Variants in SLC12A7 observed in about 807,000 individuals in gnomAD.
The protein encoded by SLC12A7 is K-Cl cotransporter 4.
In SLC12A7, 100 loss-of-function variants were observed where a neutral mutation model predicts 120.6. The observed-to-expected ratio is 0.83, with a 90% CI of 0.71 to 0.98. The LOEUF (loss-of-function observed/expected upper bound fraction) is 0.98, where lower values mean the gene tolerates loss of function less well. Ranked by LOEUF, SLC12A7 falls within the 50% of genes least tolerant of loss-of-function variation. The probability of loss-of-function intolerance (pLI) is 0.00; values close to 1 mark genes in which losing one functional copy is unlikely to be tolerated. For missense variants in SLC12A7, 1,373 were observed against 1,548.1 expected, an observed-to-expected ratio of 0.89 and a Z score of 1.90; for synonymous variants, 760 against 678.0, an observed-to-expected ratio of 1.12 and a Z score of -1.88.
chr5:1,155,353 C>G, the SLC12A7 span, among the ~76,000 whole-genome samples: 2 of 152,206 alleles, frequency 1.3e-5, no homozygotes, highest in African/African-American at 4.8e-5. Flanking sequence ...CCGCCCTCCC[C>G]GCGAAGTGAC....
chr5:1,092,678 C>T (rs766014662), intron 3 of SLC12A7, among the ~76,000 whole-genome samples: 16 of 152,240 alleles, frequency 1.1e-4, no homozygotes, highest in East Asian at 5.8e-4. Context: ...GGGAGGCCGT[C>T]GCCCGGCTTC....
the SLC12A7 span, among the ~76,000 whole-genome samples, chr5:1,132,388 C>A: frequency 6.6e-6 from 1 of 152,058 alleles, no homozygotes; most frequent in African/African-American, 2.4e-5. Flanking sequence ...TGTCCTTGGT[C>A]GGGGAGCCAT....
chr5:1,114,467 G>A (rs1291870439), upstream of SLC12A7, among the ~76,000 whole-genome samples: 1 of 152,132 alleles, frequency 6.6e-6, no homozygotes, highest in Non-Finnish European at 1.5e-5. Flanking sequence ...CTAGGGGTCT[G>A]GTGGCCCCTC....
chr5:1,062,764 C>T (rs1458005878), intron 20 of SLC12A7: 2 of 153,718 alleles, frequency 1.3e-5, no homozygotes, highest in Admixed American at 1.3e-4. Flanking sequence ...GCTGCAGGGG[C>T]ACAGGTGGCT....
the SLC12A7 span, among the ~76,000 whole-genome samples, chr5:1,142,165 G>T: frequency 5.3e-5 from 8 of 151,850 alleles, no homozygotes; most frequent in African/African-American, 1.9e-4. Flanking sequence ...CCCCAGACAG[G>T]GCCCCTCCAT....
At chr5:1,073,921 C>A (rs995808765) in intron 16 of SLC12A7, 120 bp from the exon 17 acceptor site, 227 of 978,588 alleles carry the variant, frequency 2.3e-4, no homozygotes, top group Non-Finnish European at 2.8e-4. Flanking sequence ...AGATACATGA[C>A]AGGCGGGACA....
upstream of SLC12A7, among the ~76,000 whole-genome samples, chr5:1,112,344 CT>C (rs1309621037): frequency 3.5e-4 from 17 of 49,216 alleles, no homozygotes; most frequent in East Asian, 1.3e-3. Flanking sequence ...CCTCCCCGCC[CT>C]CCCCGGCCCC....
chr5:1,079,505 A>G lies in SLC12A7; in HGVS notation c.1298-9T>C, dbSNP rs778033925. On this transcript the variant is annotated splice_polypyrimidine_tract_variant and intron_variant, in intron 9 of 23. Transcript: ENST00000264930. ...TGAACCCGCCATGATACCTGTGAAC[A>G]TGGAAAATGCTGCAAAGACCCATCT... The G allele has an allele frequency of 6.8e-6, 11 of 1,609,624 alleles. No individual in the cohort carries two copies. Among genetic ancestry groups the G allele is most frequent in the Middle Eastern group, 1.7e-4 (1 of 6,048 alleles).
chr5:1,086,545 G>A (rs1460956055), intron 6 of SLC12A7, among the ~76,000 whole-genome samples: 1 of 152,220 alleles, frequency 6.6e-6, no homozygotes, highest in African/African-American at 2.4e-5. Context: ...GAAGAGGCTG[G>A]GATCCTGGCA....
At chr5:1,110,036 C>CAGGCTCCGTGCCCATCACG (rs1436844433) in intron 1 of SLC12A7, among the ~76,000 whole-genome samples, 5 of 152,230 alleles carry the variant, frequency 3.3e-5, no homozygotes, top group African/African-American at 1.2e-4. Context: ...CCTCCTTCCC[C>CAGGCTCCGTGCCCATCACG]AGGCTCCGTG....
chr5:1,052,070 G>A lies in SLC12A7; in HGVS notation c.*290C>T, dbSNP rs917776274. ...CAAGGCAAGGGCTCACTGGCTTCTT[G>A]TGACCTGCGAGAAGATCTGGCCACG... On this transcript the variant is annotated 3_prime_UTR_variant, in exon 24 of 24. Transcript: ENST00000264930. The A allele has an allele frequency of 6.5e-6, 3 of 460,902 alleles. No homozygotes were observed. Among genetic ancestry groups the A allele is most frequent in the African/African-American group, 6.0e-5 (3 of 50,334 alleles). The allele number at this position is 460,902 out of a possible 1,614,324, so 28.6% of individuals were successfully genotyped here. A position where few individuals can be genotyped will look rare whatever the true frequency, so the allele number is the denominator to read the frequency against.
At chr5:1,053,727 C>G (rs544504131) in intron 22 of SLC12A7, among the ~76,000 whole-genome samples, 1 of 152,230 alleles carries the variant, frequency 6.6e-6, no homozygotes, top group Non-Finnish European at 1.5e-5. Flanking sequence ...AGAACTCAGC[C>G]CACTAAGGCT....
At position 1,079,336 on chromosome 5, in the gene SLC12A7, G is replaced by A. The variant is rs991812372; in HGVS notation, c.1396+62C>T. On this transcript the variant is annotated intron_variant, in intron 10 of 23. Coordinates refer to ENST00000264930, the MANE Select transcript of SLC12A7 (RefSeq NM_006598.3). ...CGAGGGTATGATGCTGAGCCGGGGA[G>A]GGCATGGGGGCCTCCCCCCAGGCAG... 3.8e-6 allele frequency: 5 copies of A among 1,301,820 alleles called. No homozygotes were observed. In the African/African-American group the frequency reaches 4.4e-5, roughly 11 times the overall value. 80.6% of individuals were successfully genotyped at this position (1,301,820 alleles called of 1,614,324 possible).
At chr5:1,127,589 A>T in the SLC12A7 span, among the ~76,000 whole-genome samples, 3 of 152,258 alleles carry the variant, frequency 2.0e-5, no homozygotes, top group African/African-American at 7.2e-5. Context: ...GAGGAAACTG[A>T]TGGATATACA....
At chr5:1,056,683 C>T (rs769540318) in intron 22 of SLC12A7, 49 of 663,720 alleles carry the variant, frequency 7.4e-5, no homozygotes, top group Non-Finnish European at 9.0e-5. Context: ...CCCAGGAGGA[C>T]GCCGCCTCAT....
the SLC12A7 span, among the ~76,000 whole-genome samples, chr5:1,137,932 G>A: frequency 2.0e-4 from 31 of 152,214 alleles, no homozygotes; most frequent in African/African-American, 7.2e-4. Flanking sequence ...GTGAGCTGTG[G>A]CAGAAGGAGC....
In SLC12A7 at chr5:1,097,533, C is replaced by T. The variant is rs148667662; in HGVS notation, c.125-3285G>A. Among the ~76,000 whole-genome samples, 390 of 152,352 alleles carry T rather than the reference C, an allele frequency of 2.6e-3. 2 individuals are homozygous for T. The highest frequency in any genetic ancestry group is 8.9e-3 in the African/African-American group (371 of 41,572). On this transcript the variant is annotated intron_variant, in intron 1 of 23. Transcript: ENST00000264930. ...CATAACGATGTAACCACCACAGGGTCACACCCGAGATCCCTGCGTCTGACT... is the reference window on the plus strand; with the variant it reads ...CATAACGATGTAACCACCACAGGGTTACACCCGAGATCCCTGCGTCTGACT...
chr5:1,083,880 T>A lies in SLC12A7; in HGVS notation c.994A>T (p.Asn332Tyr). ...CCCCAGAGCGCGGAGGTGGCTGAGT[T>A]GTTGTGGATGCCGTAGGCCTTGACG... is the stretch of plus-strand genomic sequence containing the variant. ...ACVKAYGIHN[N>Y]SATSALWGLF... is the part of the protein sequence containing the mutation. The change falls in exon 8 of 24, where the codon AAC becomes TAC. Residue 332 changes from asparagine to tyrosine, a missense_variant. By Grantham distance (143) the Asn-to-Tyr change is moderately radical (BLOSUM62 -2). Coordinates refer to ENST00000264930, the MANE Select transcript of SLC12A7 (RefSeq NM_006598.3). 1.2e-6 allele frequency: 2 copies of A among 1,608,336 alleles called. No individual in the cohort carries two copies. The highest frequency in any genetic ancestry group is 2.2e-5 in the East Asian group (1 of 44,792).
At chr5:1,102,683 T>G (rs946613172) in intron 1 of SLC12A7, among the ~76,000 whole-genome samples, 2 of 151,996 alleles carry the variant, frequency 1.3e-5, no homozygotes, top group Non-Finnish European at 2.9e-5. Flanking sequence ...GACAAGCAAG[T>G]CCAGGCTTCC....
Sources: allele counts gnomAD v4.1 joint callset (sites outside exome capture counted in the v4.1 genomes callset), GRCh38; gene constraint gnomAD v4.1.1; transcripts MANE v1.5; gene names NCBI Gene and HGNC (gene_info 2026-07-23, HGNC 2026-07-21).